MEIS2: variants seen among roughly 807,000 people sequenced by gnomAD.
MEIS2 encodes the protein Meis homeobox 2.
Under a neutral mutation model 58.6 loss-of-function variants are expected in MEIS2, and 9 were observed. The ratio of observed to expected loss-of-function variants is 0.15; its 90% CI spans 0.09 to 0.27. The LOEUF is 0.27. Among genes scored for constraint, MEIS2 ranks in the 10% least tolerant of loss-of-function variants. MEIS2 has a pLI of 1.00. For missense variants in MEIS2, 427 were observed against 635.0 expected (o/e 0.67, Z 3.52); for synonymous variants, 221 against 228.4 (o/e 0.97, Z 0.29).
chr15:36,925,483 A>G (rs79569653), intron 9 of MEIS2, among the ~76,000 whole-genome samples: 3,183 of 148,818 alleles, frequency 0.021, 55 homozygotes, highest in Middle Eastern at 0.069. Context: ...TTGTTTGGAT[A>G]TTTTTTCATT....
chr15:36,923,642 T>C (rs2057614202), intron 9 of MEIS2, among the ~76,000 whole-genome samples: 1 of 152,186 alleles, frequency 6.6e-6, no homozygotes, highest in Non-Finnish European at 1.5e-5. Context: ...AGCATGTTGA[T>C]ATAGATCATG....
rs182309786 is a variant in MEIS2 at position 37,050,581 on chromosome 15, C to T, written c.755-13622G>A. The stretch of plus-strand genomic sequence containing the variant: ...GGGGCCCTAAATTAGGAAGAGTATC[C>T]GACATACTTTTCTAAATATCTGACA... On this transcript the variant is annotated intron_variant, in intron 7 of 11. Coordinates refer to ENST00000561208, the MANE Select transcript of MEIS2 (RefSeq NM_170675.5). Among the ~76,000 whole-genome samples, 300 of 152,082 alleles carry T rather than the reference C, an allele frequency of 2.0e-3. 3 individuals are homozygous for T. The highest frequency in any genetic ancestry group is 6.9e-3 in the African/African-American group (288 of 41,466).
At chr15:36,998,890 G>A (rs1037434992) in intron 8 of MEIS2, among the ~76,000 whole-genome samples, 3 of 152,176 alleles carry the variant, frequency 2.0e-5, no homozygotes, top group Non-Finnish European at 2.9e-5. Context: ...CACACTCCAA[G>A]TGCTGGCTGA....
intron 8 of MEIS2, among the ~76,000 whole-genome samples, chr15:37,012,821 G>A (rs2061209975): frequency 6.6e-6 from 1 of 152,094 alleles, no homozygotes; most frequent in South Asian, 2.1e-4. Flanking sequence ...TTTTTCAGGT[G>A]TACATATGAA....
chr15:36,992,601 G>A (rs1041152863), intron 8 of MEIS2, among the ~76,000 whole-genome samples: 3 of 152,240 alleles, frequency 2.0e-5, no homozygotes, highest in Admixed American at 6.5e-5. Context: ...TGGCCCACAT[G>A]GTTCTCTCAT....
At chr15:36,973,165 TTAAG>T (rs1343399157) in intron 8 of MEIS2, among the ~76,000 whole-genome samples, 1 of 152,114 alleles carries the variant, frequency 6.6e-6, no homozygotes, top group Non-Finnish European at 1.5e-5. Context: ...TTTGGGAGGA[TTAAG>T]TAAGAAAATG....
intron 8 of MEIS2, among the ~76,000 whole-genome samples, chr15:37,019,719 C>A (rs1204940776): frequency 6.6e-6 from 1 of 152,166 alleles, no homozygotes; most frequent in African/African-American, 2.4e-5. Flanking sequence ...CAGGGCCCAA[C>A]AGCAGGCCCT....
intron 7 of MEIS2, among the ~76,000 whole-genome samples, chr15:37,077,027 T>A (rs944407959): frequency 2.6e-5 from 4 of 152,094 alleles, no homozygotes; most frequent in African/African-American, 4.8e-5. Context: ...TCTTGGCATT[T>A]TTACCTTAAC....
chr15:37,071,159 T>A (rs764287990), intron 7 of MEIS2, among the ~76,000 whole-genome samples: 1 of 152,118 alleles, frequency 6.6e-6, no homozygotes. Flanking sequence ...AAATAATTAT[T>A]ATTGAAGGCC....
At chr15:36,950,280 C>A (rs201247361) in intron 9 of MEIS2, 44 bp downstream of exon 9, 29 of 1,443,248 alleles carry the variant, frequency 2.0e-5, no homozygotes, top group Admixed American at 1.9e-4. Flanking sequence ...TTAGAAATCT[C>A]ATTTTAGCCA....
At chr15:37,087,358 G>A (rs1893010494) in intron 6 of MEIS2, among the ~76,000 whole-genome samples, 1 of 152,184 alleles carries the variant, frequency 6.6e-6, no homozygotes, top group Admixed American at 6.5e-5. Flanking sequence ...GAGCACAATA[G>A]AAGGAGATGG....
Position 36,892,334 on chromosome 15 carries a change from T to C in MEIS2, c.1273A>G (p.Met425Val), listed in dbSNP as rs760021973. ...HPTQLRHGPP[M>V]HSYLPSHPHH... ...GGATGGCTTGGCAAATATGAATGCA[T>C]TGGGGGTCCATGTCTTAATTGAGTA... The change falls in exon 12 of 12, where the codon ATG becomes GTG. Residue 425 changes from methionine to valine, a missense_variant. Around this residue, in one of 6 missense-constraint regions of MEIS2, gnomAD observed 154 missense variants for 148.1 expected, o/e 1.04. Coordinates refer to ENST00000561208, the MANE Select transcript of MEIS2 (RefSeq NM_170675.5). 3.3e-5 allele frequency: 53 copies of C among 1,613,758 alleles called. No homozygotes were observed. The highest frequency in any genetic ancestry group is 4.2e-5 in the Non-Finnish European group (49 of 1,179,948).
At chr15:37,064,835 A>G (rs185800103) in intron 7 of MEIS2, among the ~76,000 whole-genome samples, 14 of 152,332 alleles carry the variant, frequency 9.2e-5, no homozygotes, top group Middle Eastern at 3.4e-3. Flanking sequence ...GTAAAAATCA[A>G]CAAACAACTA....
chr15:37,051,631 A>G (rs536092222), intron 7 of MEIS2, among the ~76,000 whole-genome samples: 6 of 152,300 alleles, frequency 3.9e-5, no homozygotes, highest in African/African-American at 1.4e-4. Flanking sequence ...TACCTCAGTA[A>G]AGTTCATAAA....
At chr15:37,052,704 T>G (rs2062973525) in intron 7 of MEIS2, among the ~76,000 whole-genome samples, 1 of 152,236 alleles carries the variant, frequency 6.6e-6, no homozygotes, top group Non-Finnish European at 1.5e-5. Context: ...TTTTCCTTCC[T>G]TCTTTCACTT....
intron 8 of MEIS2, among the ~76,000 whole-genome samples, chr15:37,016,494 G>A (rs762161850): frequency 2.6e-5 from 4 of 151,800 alleles, no homozygotes; most frequent in Non-Finnish European, 4.4e-5. Context: ...CTGTATCAAC[G>A]GTAGCAACTT....
intron 8 of MEIS2, among the ~76,000 whole-genome samples, chr15:36,985,171 C>T (rs908567361): frequency 1.3e-5 from 2 of 152,110 alleles, no homozygotes; most frequent in Admixed American, 1.3e-4. Flanking sequence ...GTCCTCCATT[C>T]TCTGTTGTTC....
At chr15:37,043,362 T>C (rs1018996553) in intron 7 of MEIS2, among the ~76,000 whole-genome samples, 1 of 152,202 alleles carries the variant, frequency 6.6e-6, no homozygotes, top group African/African-American at 2.4e-5. Flanking sequence ...AGTTCACTAA[T>C]TTTATATATA....
In MEIS2 at chr15:36,958,761, T is replaced by A. The variant is rs541706981; in HGVS notation, c.901-8361A>T. Among the ~76,000 whole-genome samples, 4 of 152,304 alleles carry A rather than the reference T, an allele frequency of 2.6e-5. No homozygotes were observed. The South Asian group carries it at 8.3e-4, about 32-fold the overall frequency. Reference sequence around the variant, plus strand: ...CTCCCATGAGCTGCTTGGCCATGCATGTTATGCTGCCTACATGGCTAATGG... The same window carrying A: ...CTCCCATGAGCTGCTTGGCCATGCAAGTTATGCTGCCTACATGGCTAATGG... On this transcript the variant is annotated intron_variant, in intron 8 of 11. Coordinates refer to ENST00000561208, the MANE Select transcript of MEIS2 (RefSeq NM_170675.5).
Sources: allele counts gnomAD v4.1 joint callset (sites outside exome capture counted in the v4.1 genomes callset), GRCh38; gene constraint gnomAD v4.1.1; regional missense constraint gnomAD v4.1.1; transcripts MANE v1.5; gene names NCBI Gene and HGNC (gene_info 2026-07-23, HGNC 2026-07-21).